Variants in MID1 observed in about 807,000 individuals in gnomAD.
MID1 encodes E3 ubiquitin-protein ligase Midline-1.
Under a neutral mutation model 40.4 loss-of-function variants are expected in MID1, and 7 were observed. That is an observed-to-expected ratio of 0.17 (90% CI 0.10 to 0.33). MID1 has a LOEUF of 0.33. Ranked by LOEUF, MID1 falls within the 10% of genes least tolerant of loss-of-function variation. The pLI, the probability that MID1 is intolerant of heterozygous loss-of-function variation, is 1.00. For synonymous variants in MID1, 229 were observed against 221.2 expected (o/e 1.04, Z -0.31); for missense variants, 367 against 558.5 (o/e 0.66, Z 3.46).
rs921770924 is a variant in MID1, at chrX:10,799,681, A to G, written c.-187+33873T>C. 2.8e-5 allele frequency among the ~76,000 whole-genome samples: 3 copies of G among 106,490 alleles called. No homozygotes were observed. The South Asian group carries it at 1.1e-3, about 40-fold the overall frequency. 92.5% of individuals were successfully genotyped at this position (106,490 alleles called of 115,157 possible). A position where few individuals can be genotyped will look rare whatever the true frequency, so the allele number is the denominator to read the frequency against. On this transcript the variant is annotated intron_variant, in intron 1 of 10. Transcript: ENST00000380785. The stretch of plus-strand genomic sequence containing the variant: ...TGAGATACCTAACAGGCTGATCTCA[A>G]TGTAGCCTTAAGGGAGGTGAAGGGA...
At position 10,700,252 on chromosome X, in the gene MID1, G is replaced by T. The variant is rs887375182; in HGVS notation, c.-186-79833C>A. Among the ~76,000 whole-genome samples the T allele has an allele frequency of 2.7e-5, 3 of 111,869 alleles. No individual in the cohort carries two copies. The Admixed American group carries it at 2.8e-4, about 11-fold the overall frequency. ...TATACTTATGGGCTGTAAAAAATAT[G>T]AGTATAGAAGATAGGGTAGCCAGGC... On this transcript the variant is annotated intron_variant, in intron 1 of 10. Transcript: ENST00000380785.
intron 1 of MID1, among the ~76,000 whole-genome samples, chrX:10,569,982 T>A (rs962186411): frequency 1.8e-5 from 2 of 111,900 alleles, no homozygotes; most frequent in African/African-American, 6.5e-5. Context: ...CCCTTCCCCC[T>A]ATAGTCTATC....
intron 1 of MID1, among the ~76,000 whole-genome samples, chrX:10,735,251 C>T (rs1014019745): frequency 9.0e-6 from 1 of 111,693 alleles, no homozygotes; most frequent in Non-Finnish European, 1.9e-5. Context: ...TATAGGCATG[C>T]GCCACTATGT....
At chrX:10,577,353 A>G (rs1934898892) in intron 1 of MID1, among the ~76,000 whole-genome samples, 5 of 111,846 alleles carry the variant, frequency 4.5e-5, no homozygotes, top group Admixed American at 9.5e-5. Context: ...ACATGATCAC[A>G]TTATGCTCTG....
chrX:10,567,423 C>T lies in MID1; in HGVS notation c.125G>A (p.Cys42Tyr). The change falls in exon 2 of 10, where the codon TGT becomes TAT. Residue 42 changes from cysteine to tyrosine, a missense_variant. This residue lies in a region of MID1 where 78 missense variants were observed against 112.6 expected (regional missense o/e 0.69). Coordinates refer to ENST00000317552, the MANE Select transcript of MID1 (RefSeq NM_000381.4). ...NCAHRILVSH[C>Y]ATNESVESIT... ...GGACTCCACAGACTCGTTGGTGGCA[C>T]AGTGTGATACTAGGATGCGGTGGGC... The T allele has an allele frequency of 8.3e-7, 1 of 1,209,826 alleles. No individual in the cohort carries two copies. The highest frequency in any genetic ancestry group is 1.1e-6 in the Non-Finnish European group (1 of 894,207).
chrX:10,657,822 G>C (rs909959559), intron 1 of MID1, among the ~76,000 whole-genome samples: 3 of 112,130 alleles, frequency 2.7e-5, no homozygotes, highest in African/African-American at 9.7e-5. Flanking sequence ...ATGAAACATT[G>C]ACTTTTGGGT....
intron 1 of MID1, among the ~76,000 whole-genome samples, chrX:10,593,408 A>G (rs1388667954): frequency 9.0e-6 from 1 of 111,683 alleles, no homozygotes; most frequent in Non-Finnish European, 1.9e-5. Context: ...TCCATGGTGC[A>G]GTCATGTCCA....
At chrX:10,571,216 C>G (rs945300863) in intron 1 of MID1, among the ~76,000 whole-genome samples, 7 of 112,433 alleles carry the variant, frequency 6.2e-5, no homozygotes, top group African/African-American at 2.3e-4. Context: ...AGACACAATA[C>G]TCAGATGTGG....
chrX:10,578,166 C>T (rs750752228), intron 1 of MID1, among the ~76,000 whole-genome samples: 2 of 112,669 alleles, frequency 1.8e-5, no homozygotes, highest in Admixed American at 1.9e-4. Flanking sequence ...TGGCTTATGT[C>T]TCTCCAAATT....
At chrX:10,638,136 C>G (rs1936141730) in intron 1 of MID1, among the ~76,000 whole-genome samples, 1 of 111,658 alleles carries the variant, frequency 9.0e-6, no homozygotes. Context: ...CAGCATATTC[C>G]AACTGAGGTA....
chrX:10,643,349 G>A (rs1936224243), intron 1 of MID1, among the ~76,000 whole-genome samples: 1 of 111,671 alleles, frequency 9.0e-6, no homozygotes, highest in Non-Finnish European at 1.9e-5. Context: ...CAAAAAGTGG[G>A]CAAAGGATAT....
chrX:10,734,601 A>G (rs2043475352), intron 1 of MID1, among the ~76,000 whole-genome samples: 1 of 111,076 alleles, frequency 9.0e-6, no homozygotes, highest in South Asian at 3.8e-4. Context: ...GTTTCATATA[A>G]CAGAATACTA....
At chrX:10,530,616 T>C (rs1357886338) in intron 2 of MID1, among the ~76,000 whole-genome samples, 4 of 112,455 alleles carry the variant, frequency 3.6e-5, no homozygotes, top group Non-Finnish European at 7.5e-5. Context: ...ACCTCCTTCA[T>C]GTTAGGTAGT....
chrX:10,613,732 T>TAGAG (rs1163813461), intron 1 of MID1, among the ~76,000 whole-genome samples: 272 of 17,433 alleles, frequency 0.016, 13 homozygotes, highest in East Asian at 0.046. Flanking sequence ...TATATATATA[T>TAGAG]AGAGAGAGAG....
chrX:10,669,022 A>G (rs2042968755), intron 1 of MID1, among the ~76,000 whole-genome samples: 1 of 108,083 alleles, frequency 9.3e-6, no homozygotes, highest in African/African-American at 3.4e-5. Context: ...GATCGAGACC[A>G]TCCTGGCTAA....
chrX:10,525,459 G>T (rs953530032), intron 2 of MID1, among the ~76,000 whole-genome samples: 1 of 111,804 alleles, frequency 8.9e-6, no homozygotes, highest in African/African-American at 3.3e-5. Flanking sequence ...TTATTCTTAA[G>T]CTCTTTTGAG....
chrX:10,635,022 G>A (rs749724148), intron 1 of MID1, among the ~76,000 whole-genome samples: 1 of 112,256 alleles, frequency 8.9e-6, no homozygotes, highest in Non-Finnish European at 1.9e-5. Flanking sequence ...TCAGGAAGTC[G>A]ACTGTCAGGC....
intron 7 of MID1, among the ~76,000 whole-genome samples, chrX:10,461,339 G>T (rs1929030391): frequency 1.8e-5 from 2 of 109,994 alleles, no homozygotes; most frequent in South Asian, 7.7e-4. Context: ...ATTCAGCAGA[G>T]CAATAAGAGG....
intron 1 of MID1, among the ~76,000 whole-genome samples, chrX:10,609,794 T>C (rs1935701056): frequency 1.9e-5 from 2 of 103,671 alleles, no homozygotes; most frequent in South Asian, 9.3e-4. Flanking sequence ...CTCGGCTCAC[T>C]GCAAGCTCCG....
Sources: allele counts gnomAD v4.1 joint callset (sites outside exome capture counted in the v4.1 genomes callset), GRCh38; gene constraint gnomAD v4.1.1; regional missense constraint gnomAD v4.1.1; transcripts MANE v1.5; gene names NCBI Gene and HGNC (gene_info 2026-07-23, HGNC 2026-07-21).